DOCK2: variants seen among roughly 807,000 people sequenced by gnomAD.
The protein encoded by DOCK2 is dedicator of cytokinesis protein 2.
A neutral mutation model predicts 248.9 loss-of-function variants in DOCK2; 87 were observed. The ratio of observed to expected loss-of-function variants is 0.35; its 90% CI spans 0.29 to 0.42. The LOEUF is 0.42. Ranked by LOEUF, DOCK2 falls within the 10% of genes least tolerant of loss-of-function variation. The probability of loss-of-function intolerance (pLI) is 1.00; values close to 1 mark genes in which losing one functional copy is unlikely to be tolerated. For missense variants in DOCK2, 1,747 were observed against 2,300.2 expected, an observed-to-expected ratio of 0.76 and a Z score of 4.92; for synonymous variants, 805 against 821.6, an observed-to-expected ratio of 0.98 and a Z score of 0.35.
chr5:169,896,662 CATTATT>C (rs550461934), intron 27 of DOCK2, among the ~76,000 whole-genome samples: 173 of 152,246 alleles, frequency 1.1e-3, no homozygotes, highest in African/African-American at 3.8e-3. Flanking sequence ...GCAGTATCAT[CATTATT>C]ATTATCAAAG....
intron 27 of DOCK2, chr5:169,884,621 G>T (rs900927113): frequency 6.6e-6 from 1 of 152,202 alleles, no homozygotes; most frequent in African/African-American, 2.4e-5. Flanking sequence ...ACCCAGTGGG[G>T]TATGACCAGG....
intron 29 of DOCK2, among the ~76,000 whole-genome samples, chr5:169,991,606 C>A (rs1046651859): frequency 6.6e-6 from 1 of 152,266 alleles, no homozygotes; most frequent in Admixed American, 6.5e-5. Context: ...CCATACAAGA[C>A]TGCTTTGAGT....
intron 27 of DOCK2, among the ~76,000 whole-genome samples, chr5:169,848,888 T>C (rs1001301676): frequency 6.6e-6 from 1 of 152,182 alleles, no homozygotes; most frequent in Non-Finnish European, 1.5e-5. Context: ...AGGAGGCATC[T>C]GTGTCATCAG....
intron 14 of DOCK2, among the ~76,000 whole-genome samples, chr5:169,705,979 A>G (rs1761238744): frequency 6.6e-6 from 1 of 152,234 alleles, no homozygotes; most frequent in African/African-American, 2.4e-5. Flanking sequence ...AATGTAGAAA[A>G]TTATGGAACA....
At chr5:169,770,535 A>G (rs1046743344) in intron 25 of DOCK2, among the ~76,000 whole-genome samples, 10 of 152,080 alleles carry the variant, frequency 6.6e-5, no homozygotes, top group Admixed American at 6.5e-5. Flanking sequence ...CCTGGGCTTA[A>G]GTGATCCTTC....
intron 9 of DOCK2, among the ~76,000 whole-genome samples, chr5:169,689,999 T>C (rs1005715298): frequency 2.6e-4 from 39 of 152,118 alleles, no homozygotes; most frequent in Admixed American, 2.3e-3. Context: ...AGGTTATAAT[T>C]TTTAGTAGAG....
intron 27 of DOCK2, among the ~76,000 whole-genome samples, chr5:169,936,905 AT>A (rs889197808): frequency 4.6e-5 from 7 of 152,234 alleles, no homozygotes; most frequent in Non-Finnish European, 8.8e-5. Context: ...ACACTTAATA[AT>A]TCAAACATAC....
intron 17 of DOCK2, 56 bp downstream of exon 17, chr5:169,712,279 G>A: frequency 6.5e-7 from 1 of 1,545,262 alleles, no homozygotes; most frequent in Non-Finnish European, 8.9e-7. Context: ...GAAAGGGGGT[G>A]ATGGCAAAAT....
In DOCK2 at chr5:169,906,769, C is replaced by G. The variant is rs570998969; in HGVS notation, c.2799+65917C>G. Among the ~76,000 whole-genome samples, 20 of 152,306 alleles carry G rather than the reference C, an allele frequency of 1.3e-4. No individual in the cohort carries two copies. The South Asian group carries it at 3.9e-3, about 30-fold the overall frequency. On this transcript the variant is annotated intron_variant, in intron 27 of 51. Coordinates refer to ENST00000520908, the MANE Select transcript of DOCK2 (RefSeq NM_004946.3). The stretch of plus-strand genomic sequence containing the variant: ...GACCATTCCTGACCTCCTTGCTTTA[C>G]TGTCAGAAAGAATTGAAGGGTGGTT...
intron 1 of DOCK2, among the ~76,000 whole-genome samples, chr5:169,644,655 G>T (rs908859850): frequency 6.6e-6 from 1 of 151,232 alleles, no homozygotes; most frequent in Admixed American, 6.6e-5. Flanking sequence ...GACAGTTCTG[G>T]GATACAAGTG....
chr5:169,674,044 C>G (rs1581012313), intron 5 of DOCK2, among the ~76,000 whole-genome samples: 1 of 152,316 alleles, frequency 6.6e-6, no homozygotes, highest in East Asian at 1.9e-4. Context: ...TAGATAAAGT[C>G]AGAAATCACT....
intron 27 of DOCK2, among the ~76,000 whole-genome samples, chr5:169,922,792 T>C (rs1272785733): frequency 6.6e-6 from 1 of 152,216 alleles, no homozygotes; most frequent in African/African-American, 2.4e-5. Flanking sequence ...TTTGATTGGA[T>C]ATAACCTACA....
rs1204588121 is a variant in DOCK2, at chr5:170,083,142, T to C, written c.*284T>C. On this transcript the variant is annotated 3_prime_UTR_variant, in exon 52 of 52. Transcript: ENST00000520908. ...TCCCAGTGTGCTCTCCCCAACATCC[T>C]AGGCACAGCTTTCATAACCCAGTTT... 1 of 386,634 alleles carries C rather than the reference T, an allele frequency of 2.6e-6. No homozygotes were observed. Among genetic ancestry groups the C allele is most frequent in the Non-Finnish European group, 4.7e-6 (1 of 213,736 alleles). The allele number at this position is 386,634 out of a possible 1,614,324, so 24.0% of individuals were successfully genotyped here.
At chr5:169,882,610 A>C in intron 27 of DOCK2, 1 of 1,551,730 alleles carries the variant, frequency 6.4e-7, no homozygotes, top group Non-Finnish European at 8.7e-7. Flanking sequence ...AAGGACTTTA[A>C]TTTTCTCTTG....
At chr5:169,898,528 AAAC>A (rs36216194) in intron 27 of DOCK2, among the ~76,000 whole-genome samples, 10,546 of 151,152 alleles carry the variant, frequency 0.07, 385 homozygotes, top group African/African-American at 0.081. Flanking sequence ...CACACACACA[AAAC>A]AACAACAACA....
intron 35 of DOCK2, 69 bp downstream of exon 35, chr5:170,034,624 T>G (rs899506991): frequency 1.3e-6 from 2 of 1,576,610 alleles, no homozygotes; most frequent in African/African-American, 2.7e-5. Context: ...GCTTTGGGTC[T>G]CACGATTGTT....
chr5:169,681,982 G>T, intron 7 of DOCK2, 103 bp downstream of exon 7: 3 of 1,494,046 alleles, frequency 2.0e-6, no homozygotes, highest in Non-Finnish European at 2.7e-6. Flanking sequence ...TATTCAAGGG[G>T]CATCTGTCTA....
intron 26 of DOCK2, among the ~76,000 whole-genome samples, chr5:169,829,128 A>G (rs261629): frequency 0.49 from 74,787 of 151,832 alleles, 19,718 homozygotes; most frequent in African/African-American, 0.69. Context: ...AAGTCATGTG[A>G]GGAGGGAGGG....
At chr5:169,872,216 C>A (rs532625246) in intron 27 of DOCK2, among the ~76,000 whole-genome samples, 3 of 152,318 alleles carry the variant, frequency 2.0e-5, no homozygotes, top group Admixed American at 2.0e-4. Context: ...GATTTACTGA[C>A]CTCCTGCAAC....
Sources: allele counts gnomAD v4.1 joint callset (sites outside exome capture counted in the v4.1 genomes callset), GRCh38; gene constraint gnomAD v4.1.1; transcripts MANE v1.5; gene names NCBI Gene and HGNC (gene_info 2026-07-23, HGNC 2026-07-21).